Variants in INPP4A observed in about 807,000 individuals in gnomAD.
INPP4A encodes inositol polyphosphate-4-phosphatase, type I, 107kD.
INPP4A carries 33 observed loss-of-function variants against 119.8 expected under a neutral mutation model. The ratio of observed to expected loss-of-function variants is 0.28; its 90% CI spans 0.21 to 0.37. The LOEUF is 0.37. Among genes scored for constraint, INPP4A ranks in the 10% least tolerant of loss-of-function variants. The pLI is 1.00. For missense variants in INPP4A, 956 were observed against 1,289.9 expected (o/e 0.74, Z 3.97); for synonymous variants, 496 against 500.7 (o/e 0.99, Z 0.12).
At chr2:98,540,529 T>G (rs1210964178) in intron 10 of INPP4A, among the ~76,000 whole-genome samples, 1 of 152,244 alleles carries the variant, frequency 6.6e-6, no homozygotes, top group Non-Finnish European at 1.5e-5. Context: ...TGTGCTGCTG[T>G]AACAGAATGC....
intron 14 of INPP4A, 113 bp downstream of exon 14, chr2:98,553,082 G>C (rs894069129): frequency 3.7e-6 from 3 of 819,930 alleles, no homozygotes; most frequent in Admixed American, 5.5e-5. Context: ...ACATTGGGAT[G>C]ACTTTGAAGG....
intron 4 of INPP4A, among the ~76,000 whole-genome samples, chr2:98,529,580 C>A (rs947863776): frequency 6.6e-6 from 1 of 151,774 alleles, no homozygotes; most frequent in Non-Finnish European, 1.5e-5. Context: ...TAAAAAAATA[C>A]AAAAAATTAG....
intron 1 of INPP4A, among the ~76,000 whole-genome samples, chr2:98,454,465 G>C (rs1273840535): frequency 6.6e-6 from 1 of 152,116 alleles, no homozygotes; most frequent in Non-Finnish European, 1.5e-5. Flanking sequence ...CTGTAAAATG[G>C]GGAAGGTGCT....
At chr2:98,487,080 G>C (rs1044974776) in intron 1 of INPP4A, among the ~76,000 whole-genome samples, 16 of 152,242 alleles carry the variant, frequency 1.1e-4, no homozygotes, top group African/African-American at 3.9e-4. Context: ...ATACAGAAAA[G>C]TTGCAAAGAG....
intron 4 of INPP4A, among the ~76,000 whole-genome samples, chr2:98,526,196 A>T (rs982839508): frequency 6.6e-6 from 1 of 152,228 alleles, no homozygotes; most frequent in African/African-American, 2.4e-5. Context: ...CAGACAAAAG[A>T]ATAGTGATGG....
At chr2:98,499,326 C>T (rs1682658628) in intron 1 of INPP4A, among the ~76,000 whole-genome samples, 1 of 152,166 alleles carries the variant, frequency 6.6e-6, no homozygotes, top group African/African-American at 2.4e-5. Flanking sequence ...CTGTTTCCTC[C>T]CCTCAAACAG....
chr2:98,566,179 G>A lies in INPP4A; in HGVS notation c.2420+10G>A, dbSNP rs1044251483. Reference sequence around the variant, plus strand: ...AGACACTGGCCGAGAGGTGCGTGCCGGCTCCTCGGGGCTGCGGGGGTGTGG... The same window carrying A: ...AGACACTGGCCGAGAGGTGCGTGCCAGCTCCTCGGGGCTGCGGGGGTGTGG... On this transcript the variant is annotated intron_variant, in intron 21 of 24. Coordinates refer to ENST00000409851, the MANE Select transcript of INPP4A (RefSeq NM_001134225.2). This position sits in a 1 kb window ranked among gnomAD's most constrained non-coding sequence, Gnocchi z 4.2. 40 of 1,569,226 alleles carry A rather than the reference G, an allele frequency of 2.5e-5. No homozygotes were observed. Among genetic ancestry groups the A allele is most frequent in the Non-Finnish European group, 3.3e-5 (38 of 1,153,882 alleles).
At chr2:98,539,179 G>A (rs1559034366) in intron 9 of INPP4A, among the ~76,000 whole-genome samples, 198 bp downstream of exon 9, 1 of 152,038 alleles carries the variant, frequency 6.6e-6, no homozygotes, top group Non-Finnish European at 1.5e-5. Context: ...CCTTGAAAGA[G>A]GATTAAAAAA....
intron 24 of INPP4A, chr2:98,581,515 C>A (rs1699301899): frequency 2.1e-6 from 3 of 1,446,438 alleles, no homozygotes; most frequent in South Asian, 1.5e-5. Flanking sequence ...TTCTTTTTTT[C>A]TTTATTTTCT....
At chr2:98,544,203 A>G (rs1427520613) in intron 11 of INPP4A, among the ~76,000 whole-genome samples, 196 bp downstream of exon 11, 2 of 152,198 alleles carry the variant, frequency 1.3e-5, no homozygotes, top group African/African-American at 2.4e-5. Flanking sequence ...TCTTTCAAAT[A>G]TGGGTTTTTC....
chr2:98,506,801 T>G (rs1020974527), intron 1 of INPP4A, among the ~76,000 whole-genome samples: 3 of 152,202 alleles, frequency 2.0e-5, no homozygotes, highest in African/African-American at 7.2e-5. Flanking sequence ...ATTTGGACTT[T>G]GCCTCCTGGA....
intron 19 of INPP4A, among the ~76,000 whole-genome samples, chr2:98,565,388 A>G (rs985460753): frequency 6.6e-6 from 1 of 152,222 alleles, no homozygotes; most frequent in Non-Finnish European, 1.5e-5. Flanking sequence ...GTGCTTGCCC[A>G]AGAAATAGTG....
At chr2:98,486,991 G>GA (rs1179696950) in intron 1 of INPP4A, among the ~76,000 whole-genome samples, 1 of 152,126 alleles carries the variant, frequency 6.6e-6, no homozygotes, top group Non-Finnish European at 1.5e-5. Flanking sequence ...GAAAAAAGGG[G>GA]AAAAAAAGCA....
intron 8 of INPP4A, among the ~76,000 whole-genome samples, chr2:98,538,269 G>C (rs1690709697): frequency 6.6e-6 from 1 of 152,158 alleles, no homozygotes; most frequent in Non-Finnish European, 1.5e-5. Flanking sequence ...TGCAGTCAGG[G>C]GGCAACTTGG....
chr2:98,554,121 G>T lies in INPP4A; in HGVS notation c.1348-150G>T. ...AGTCTTTGTACTCAGACATCTTGAG[G>T]GATGTAGCCCTTCAGTTGCTTTGCA... On this transcript the variant is annotated intron_variant, in intron 14 of 24. Coordinates refer to ENST00000409851, the MANE Select transcript of INPP4A (RefSeq NM_001134225.2). This position sits in a 1 kb window ranked among gnomAD's most constrained non-coding sequence, Gnocchi z 4.7. 1 of 581,406 alleles carries T rather than the reference G, an allele frequency of 1.7e-6. No individual in the cohort carries two copies. Among genetic ancestry groups the T allele is most frequent in the Admixed American group, 3.0e-5 (1 of 32,958 alleles). 36.0% of individuals were successfully genotyped at this position (581,406 alleles called of 1,614,324 possible).
At chr2:98,568,236 C>A (rs1696824825) in intron 21 of INPP4A, among the ~76,000 whole-genome samples, 1 of 152,040 alleles carries the variant, frequency 6.6e-6, no homozygotes, top group Admixed American at 6.5e-5. Flanking sequence ...GTCCCCCCTC[C>A]TAAGTGCCTC....
intron 4 of INPP4A, among the ~76,000 whole-genome samples, chr2:98,529,518 G>A (rs761558759): frequency 6.0e-4 from 91 of 152,178 alleles, no homozygotes; most frequent in African/African-American, 2.1e-3. Flanking sequence ...GGTGGATCAC[G>A]AGGTCAGGAG....
At chr2:98,507,259 A>G (rs1045851556) in intron 1 of INPP4A, among the ~76,000 whole-genome samples, 4 of 152,186 alleles carry the variant, frequency 2.6e-5, no homozygotes, top group African/African-American at 7.2e-5. Flanking sequence ...ACCCGAGTTC[A>G]TTTGTGTTGG....
At chr2:98,457,384 C>T (rs1443848203) in intron 1 of INPP4A, among the ~76,000 whole-genome samples, 1 of 152,156 alleles carries the variant, frequency 6.6e-6, no homozygotes, top group Non-Finnish European at 1.5e-5. Context: ...ATAGTGAGAC[C>T]AGCCTGTCTC....
Sources: allele counts gnomAD v4.1 joint callset (sites outside exome capture counted in the v4.1 genomes callset), GRCh38; gene constraint gnomAD v4.1.1; non-coding constraint Gnocchi (gnomAD v3.1); transcripts MANE v1.5; gene names NCBI Gene and HGNC (gene_info 2026-07-23, HGNC 2026-07-21).